The following TEX10 variants were observed in gnomAD, a reference collection of about 807,000 sequenced individuals.
TEX10 encodes the protein testis-expressed protein 10.
TEX10 carries 24 observed loss-of-function variants against 104.4 expected under a neutral mutation model. The observed-to-expected ratio is 0.23, with a 90% CI of 0.17 to 0.32. The LOEUF (loss-of-function observed/expected upper bound fraction) is 0.32. TEX10 is among the 10% of genes least tolerant of loss of function. The pLI, the probability that TEX10 is intolerant of heterozygous loss-of-function variation, is 1.00. For synonymous variants in TEX10, 396 were observed against 393.4 expected, an observed-to-expected ratio of 1.01 and a Z score of -0.08; for missense variants, 921 against 1,083.9, an observed-to-expected ratio of 0.85 and a Z score of 2.11.
At chr9:100,349,596 A>T (rs186347593) in intron 1 of TEX10, among the ~76,000 whole-genome samples, 25 of 152,308 alleles carry the variant, frequency 1.6e-4, no homozygotes, top group African/African-American at 6.0e-4. Flanking sequence ...CGGTTTTGCA[A>T]AGTTTTTTGG....
chr9:100,347,962 C>G (rs369619759), intron 2 of TEX10, among the ~76,000 whole-genome samples: 3 of 152,300 alleles, frequency 2.0e-5, no homozygotes, highest in East Asian at 3.9e-4. Context: ...CACAAATATT[C>G]ATAACAGCAT....
At chr9:100,350,022 C>T (rs1316768750) in intron 1 of TEX10, among the ~76,000 whole-genome samples, 2 of 152,020 alleles carry the variant, frequency 1.3e-5, no homozygotes, top group Admixed American at 6.6e-5. Context: ...CCCCCTTGGT[C>T]CCCAAAAAGG....
At chr9:100,343,709 G>A (rs1237740639) in intron 4 of TEX10, among the ~76,000 whole-genome samples, 1 of 151,980 alleles carries the variant, frequency 6.6e-6, no homozygotes, top group Non-Finnish European at 1.5e-5. Context: ...CAAACAGTCA[G>A]TAGTCCTAAG....
chr9:100,323,844 G>A (rs144620312), intron 9 of TEX10, among the ~76,000 whole-genome samples: 138 of 152,244 alleles, frequency 9.1e-4, no homozygotes, highest in African/African-American at 3.2e-3. Flanking sequence ...ATGAGTAAAG[G>A]AGTATTGCAG....
intron 11 of TEX10, among the ~76,000 whole-genome samples, chr9:100,310,849 A>G (rs1020813856): frequency 2.0e-5 from 3 of 152,192 alleles, no homozygotes; most frequent in African/African-American, 7.2e-5. Context: ...TATATGGCCT[A>G]ATTTTCCAAA....
In TEX10 at chr9:100,321,089, GA is replaced by G. The variant is rs1283114187; in HGVS notation, c.2068+593del. ...CCATGTCATAGTACTGACTCCCAAT[GA>G]GCTTTCTAAAATCACTAAAAACTTT... On this transcript the variant is annotated intron_variant, in intron 10 of 14. Coordinates refer to ENST00000374902, the MANE Select transcript of TEX10 (RefSeq NM_017746.4). 2.6e-4 allele frequency among the ~76,000 whole-genome samples: 40 copies of G among 152,148 alleles called. 1 individual carries two copies. The highest frequency in any genetic ancestry group is 8.4e-4 in the African/African-American group (35 of 41,440).
intron 13 of TEX10, 92 bp downstream of exon 13, chr9:100,308,408 T>C (rs1834193382): frequency 3.5e-6 from 4 of 1,131,970 alleles, no homozygotes; most frequent in Middle Eastern, 3.1e-4. Context: ...GGTATCTGTA[T>C]AACCTAATTA....
chr9:100,318,617 A>G (rs545825721), intron 11 of TEX10, among the ~76,000 whole-genome samples: 4 of 152,354 alleles, frequency 2.6e-5, no homozygotes, highest in South Asian at 2.1e-4. Context: ...ATGCACACAC[A>G]AAAGAATAAA....
chr9:100,350,291 A>G (rs564453274), intron 1 of TEX10, among the ~76,000 whole-genome samples: 1 of 152,176 alleles, frequency 6.6e-6, no homozygotes, highest in African/African-American at 2.4e-5. Context: ...CCTGCCTACT[A>G]TCTAGTGTCT....
At chr9:100,329,779 A>G in intron 6 of TEX10, 152 bp downstream of exon 6, 2 of 689,046 alleles carry the variant, frequency 2.9e-6, no homozygotes, top group Non-Finnish European at 5.0e-6. Flanking sequence ...AAACAATTTC[A>G]GTGTTCAAGT....
At position 100,320,416 on chromosome 9, in the gene TEX10, G is replaced by C. The variant is rs1834537381; in HGVS notation, c.2069-18C>G. On this transcript the variant is annotated intron_variant, in intron 10 of 14. Coordinates refer to ENST00000374902, the MANE Select transcript of TEX10 (RefSeq NM_017746.4). ...CGAAAACCCTAATTCAGGTAACAAA[G>C]AAAGCCAATTTAAAAAAACAAAAAA... 6.4e-7 allele frequency: 1 copy of C among 1,567,402 alleles called. No individual in the cohort carries two copies. The highest frequency in any genetic ancestry group is 1.4e-5 in the African/African-American group (1 of 72,686).
intron 13 of TEX10, among the ~76,000 whole-genome samples, chr9:100,308,299 C>T (rs575740849): frequency 6.6e-6 from 1 of 152,076 alleles, no homozygotes; most frequent in African/African-American, 2.4e-5. Context: ...GGGGAAAGAA[C>T]AAAAAACTAA....
intron 5 of TEX10, among the ~76,000 whole-genome samples, chr9:100,338,774 C>A (rs1479745510): frequency 1.3e-5 from 2 of 151,902 alleles, no homozygotes; most frequent in African/African-American, 2.4e-5. Flanking sequence ...TGCCTATAAT[C>A]CCAGCTACTC....
Position 100,349,226 on chromosome 9 carries a change from C to G in TEX10, c.138G>C (p.Glu46Asp). ...TATTGTTTGTTGGAAGTGTTCCATC[C>G]TCTTTGAGTTGCTCAGGCAGATGTA... Reference protein sequence around the residue: ...KTIHLPEQLKEDGTLPTNNRK... With the variant: ...KTIHLPEQLKDDGTLPTNNRK... Residue 46 changes from glutamate to aspartate, a missense_variant, in exon 2 of 15, where the codon GAG (glutamate) becomes GAC (aspartate). Glu to Asp is a conservative substitution (Grantham distance 45). This residue lies in a region of TEX10 where 118 missense variants were observed against 111.3 expected (regional missense o/e 1.06). Transcript: ENST00000374902. 4 of 1,572,892 alleles carry G rather than the reference C, an allele frequency of 2.5e-6. No individual in the cohort carries two copies. Among genetic ancestry groups the G allele is most frequent in the Non-Finnish European group, 3.4e-6 (4 of 1,165,018 alleles).
chr9:100,308,611 T>G lies in TEX10; in HGVS notation c.2354A>C (p.His785Pro). The G allele has an allele frequency of 6.2e-7, 1 of 1,613,146 alleles. No individual in the cohort carries two copies. The highest frequency in any genetic ancestry group is 8.5e-7 in the Non-Finnish European group (1 of 1,179,500). ...TAGAGTCTCACTAACTACACAAGTA[T>G]GATCCAGGAGCTTACAGATAACACC... ...VFGVICKLLD[H>P]TCVVSETLLP... The change falls in exon 13 of 15, where the codon CAT becomes CCT. Residue 785 changes from histidine (H) to proline (P), a missense_variant. This residue lies in a region of TEX10 where 753 missense variants were observed against 868.4 expected (regional missense o/e 0.87). Transcript: ENST00000374902.
intron 9 of TEX10, among the ~76,000 whole-genome samples, chr9:100,322,918 A>G (rs565324297): frequency 6.6e-6 from 1 of 152,094 alleles, no homozygotes; most frequent in Non-Finnish European, 1.5e-5. Flanking sequence ...ACCCAGCCTT[A>G]TTAATATTCT....
rs1276799854 is a variant in TEX10, at chr9:100,303,753, A to G, written c.2555T>C (p.Val852Ala). 1.9e-6 allele frequency: 3 copies of G among 1,613,910 alleles called. No homozygotes were observed. The highest frequency in any genetic ancestry group is 2.2e-5 in the East Asian group (1 of 44,868). ...CACAACAGGCAGCTCCTCAGGCCCAACTCTGTTCACCCGCAGGCTCTGCAG... is the reference window on the plus strand; with the variant it reads ...CACAACAGGCAGCTCCTCAGGCCCAGCTCTGTTCACCCGCAGGCTCTGCAG... Reference protein sequence around the residue: ...LMLQSLRVNRVGPEELPVVGQ... With the variant: ...LMLQSLRVNRAGPEELPVVGQ... Residue 852 changes from valine (V) to alanine (A), a missense_variant, in exon 14 of 15, where the codon GTT (valine) becomes GCT (alanine). Physicochemically the swap from Val to Ala is moderately conservative, Grantham distance 64 (BLOSUM62 0). This residue lies in a region of TEX10 where 753 missense variants were observed against 868.4 expected (regional missense o/e 0.87). Coordinates refer to ENST00000374902, the MANE Select transcript of TEX10 (RefSeq NM_017746.4).
chr9:100,329,250 T>A lies in TEX10; in HGVS notation c.1515A>T (p.Ala505=), dbSNP rs1004493512. 5.6e-6 allele frequency: 9 copies of A among 1,607,428 alleles called. No homozygotes were observed. Among genetic ancestry groups the A allele is most frequent in the Non-Finnish European group, 6.8e-6 (8 of 1,178,642 alleles). Residue 505 remains alanine (A), a synonymous_variant, in exon 7 of 15, where the codon GCA becomes GCT. Coordinates refer to ENST00000374902, the MANE Select transcript of TEX10 (RefSeq NM_017746.4). ...CCCTCTGCTGATATAATGTATAAAC[T>A]GCCTTAATAAGAGTCTCTGTGTCCT... The part of the protein sequence containing the change: ...NREDTETLIK[A]VYTLYQQRGL...
At chr9:100,316,726 C>T (rs939879202) in intron 11 of TEX10, among the ~76,000 whole-genome samples, 1 of 151,864 alleles carries the variant, frequency 6.6e-6, no homozygotes, top group African/African-American at 2.4e-5. Flanking sequence ...CCCAACCTTC[C>T]AAGTAGCTAG....
Sources: allele counts gnomAD v4.1 joint callset (sites outside exome capture counted in the v4.1 genomes callset), GRCh38; gene constraint gnomAD v4.1.1; regional missense constraint gnomAD v4.1.1; transcripts MANE v1.5; gene names NCBI Gene and HGNC (gene_info 2026-07-23, HGNC 2026-07-21).